The following NWD1 variants were observed in gnomAD, a reference collection of about 807,000 sequenced individuals.
NWD1 encodes the protein NACHT and WD repeat domain containing 1, also known as NACHT domain- and WD repeat-containing protein 1.
Under a neutral mutation model 135.1 loss-of-function variants are expected in NWD1, and 129 were observed. The ratio of observed to expected loss-of-function variants is 0.96; its 90% confidence interval spans 0.83 to 1.11. NWD1 has a LOEUF of 1.11. Ranked by LOEUF, NWD1 falls within the 50% of genes least tolerant of loss-of-function variation. The pLI, the probability that NWD1 is intolerant of heterozygous loss-of-function variation, is 0.00. For missense variants in NWD1, 1,740 were observed against 1,851.3 expected (o/e 0.94, Z 1.10); for synonymous variants, 773 against 786.0 (o/e 0.98, Z 0.28).
chr19:16,746,669 C>A, intron 5 of NWD1, among the ~76,000 whole-genome samples: 2 of 122,510 alleles, frequency 1.6e-5, no homozygotes, highest in African/African-American at 7.9e-5. Flanking sequence ...AAGACTCTGT[C>A]TAAAAACAAA....
Position 16,761,970 on chromosome 19 carries a change from T to A in NWD1, c.1974-9T>A, listed in dbSNP as rs1454965780. ...CCCAGGTCTATCAGTCTGTATACCC[T>A]CTCTGTAGACAGCTGGTCGAGGTGG... is the stretch of plus-strand genomic sequence containing the variant. On this transcript the variant is annotated splice_polypyrimidine_tract_variant and intron_variant, in intron 7 of 18. Transcript: ENST00000524140. The A allele has an allele frequency of 6.2e-7, 1 of 1,612,826 alleles. No homozygotes were observed. The highest frequency in any genetic ancestry group is 8.5e-7 in the Non-Finnish European group (1 of 1,179,130).
intron 17 of NWD1, chr19:16,801,586 C>T (rs1457921575): frequency 6.6e-6 from 1 of 151,686 alleles, no homozygotes; most frequent in Admixed American, 6.6e-5. Flanking sequence ...TGTAGTGGCT[C>T]ACATCTGTAG....
At chr19:16,772,987 G>A (rs1457308527) in intron 10 of NWD1, 139 bp from the exon 11 acceptor site, 2 of 705,652 alleles carry the variant, frequency 2.8e-6, no homozygotes, top group South Asian at 3.4e-5. Flanking sequence ...AAGGAGACAG[G>A]AGCGGACAGC....
At chr19:16,792,813 G>T (rs1970291808) in intron 14 of NWD1, among the ~76,000 whole-genome samples, 1 of 150,380 alleles carries the variant, frequency 6.6e-6, no homozygotes, top group East Asian at 2.0e-4. Flanking sequence ...GGAGGTGGAG[G>T]TTGCAGTGAG....
chr19:16,743,534 G>A (rs1054736969), intron 4 of NWD1, among the ~76,000 whole-genome samples: 23 of 151,780 alleles, frequency 1.5e-4, no homozygotes, highest in Non-Finnish European at 1.3e-4. Context: ...ATTGACCCTC[G>A]TGACTTCTGG....
rs891795708 is a variant in NWD1 at position 16,728,506 on chromosome 19, A to G, written c.-6-2686A>G. Among the ~76,000 whole-genome samples, 8 of 151,840 alleles carry G rather than the reference A, an allele frequency of 5.3e-5. No homozygotes were observed. The East Asian group carries it at 5.9e-4, about 11-fold the overall frequency. ...CACCATGCTGACCAGGCTGGTGTCA[A>G]ACTCCTGACCTCAGGTCATCTGCCC... On this transcript the variant is annotated intron_variant, in intron 2 of 18. Coordinates refer to ENST00000524140, the MANE Select transcript of NWD1 (RefSeq NM_001007525.5).
At chr19:16,753,502 A>G (rs1174217728) in intron 6 of NWD1, among the ~76,000 whole-genome samples, 1 of 152,132 alleles carries the variant, frequency 6.6e-6, no homozygotes, top group African/African-American at 2.4e-5. Flanking sequence ...TTGCTCTTGG[A>G]GCAGACCTGA....
At position 16,773,339 on chromosome 19, in the gene NWD1, A is replaced by G; in HGVS notation, c.2608+16A>G. On this transcript the variant is annotated intron_variant, in intron 11 of 18. Transcript: ENST00000524140. ...TGTCACAAAGGTGAGTCTCCCCAGC[A>G]TAGCAAAAATCCCAGCAGGCACCTG... The G allele has an allele frequency of 1.9e-6, 3 of 1,605,826 alleles. No homozygotes were observed. The highest frequency in any genetic ancestry group is 2.6e-6 in the Non-Finnish European group (3 of 1,176,204).
In NWD1 at chr19:16,749,170, G is replaced by A. The variant is rs751190666; in HGVS notation, c.528G>A (p.Leu176=). ...AGTGGGAGATAGAGCGGAGCCTGCT[G>A]AGCTCAGAGGACCGGGAACAGGGAG... The part of the protein sequence containing the change: ...VIEWEIERSL[L]SSEDREQGAT... Residue 176 remains leucine, a synonymous_variant, in exon 6 of 19, where the codon CTG becomes CTA. Transcript: ENST00000524140. 4.3e-6 allele frequency: 7 copies of A among 1,611,486 alleles called. No homozygotes were observed. Among genetic ancestry groups the A allele is most frequent in the African/African-American group, 1.3e-5 (1 of 74,824 alleles).
Position 16,785,259 on chromosome 19 carries a change from C to A in NWD1, c.2732-3723C>A, listed in dbSNP as rs187633757. On this transcript the variant is annotated intron_variant, in intron 12 of 18. Coordinates refer to ENST00000524140, the MANE Select transcript of NWD1 (RefSeq NM_001007525.5). ...AGGCGCGGTGGCTCACGCATGTAAT[C>A]CTAGCAGTTTGGGAGGTTGAGGCGG... 8.9e-3 allele frequency among the ~76,000 whole-genome samples: 1,357 copies of A among 152,208 alleles called. 26 individuals are homozygous for A. Among genetic ancestry groups the A allele is most frequent in the African/African-American group, 0.031 (1,305 of 41,546 alleles).
intron 10 of NWD1, among the ~76,000 whole-genome samples, chr19:16,772,108 A>G (rs545745353): frequency 6.6e-6 from 1 of 152,262 alleles, no homozygotes; most frequent in East Asian, 1.9e-4. Flanking sequence ...GCTCACGCCT[A>G]TAATTCCAGA....
intron 13 of NWD1, among the ~76,000 whole-genome samples, 163 bp from the exon 14 acceptor site, chr19:16,791,187 T>C (rs1970232302): frequency 6.6e-6 from 1 of 152,042 alleles, no homozygotes; most frequent in Non-Finnish European, 1.5e-5. Flanking sequence ...TGAGCCATGA[T>C]TGCACCACTG....
intron 7 of NWD1, among the ~76,000 whole-genome samples, chr19:16,760,645 C>T (rs1313280383): frequency 1.3e-5 from 2 of 152,058 alleles, no homozygotes; most frequent in South Asian, 2.1e-4. Flanking sequence ...GGCTAGAGTG[C>T]AGCGGCACAA....
At chr19:16,747,018 C>G (rs1165915708) in intron 5 of NWD1, among the ~76,000 whole-genome samples, 1 of 150,306 alleles carries the variant, frequency 6.7e-6, no homozygotes, top group East Asian at 1.9e-4. Context: ...TGTCTAGTTC[C>G]AAGATATTTT....
intron 15 of NWD1, 27 bp from the exon 16 acceptor site, chr19:16,797,705 G>A (rs767671893): frequency 8.1e-6 from 13 of 1,607,602 alleles, no homozygotes; most frequent in African/African-American, 2.7e-5. Flanking sequence ...GACATGAGAG[G>A]TGTAACCCCA....
Position 16,762,002 on chromosome 19 carries a change from AG to A in NWD1, c.1998del (p.Glu666AspfsTer41). The A allele has an allele frequency of 6.2e-7, 1 of 1,613,946 alleles. No individual in the cohort carries two copies. The highest frequency in any genetic ancestry group is 8.5e-7 in the Non-Finnish European group (1 of 1,179,950). On this transcript the variant is annotated frameshift_variant, in exon 8 of 19. Transcript: ENST00000524140. LOFTEE classifies it high-confidence loss of function. ...AGACAGCTGGTCGAGGTGGTCCGTG[AG>A]CGCTACCTGTCAGGATCCGAGAGAG... ...AHRQLVEVVR[E>X]RYLSGSERAK...
intron 3 of NWD1, among the ~76,000 whole-genome samples, chr19:16,732,560 C>A (rs964053688): frequency 1.0e-4 from 15 of 146,960 alleles, no homozygotes; most frequent in Non-Finnish European, 2.2e-4. Context: ...CAGTAGGAGC[C>A]CCTAATGCTG....
chr19:16,799,739 C>T, intron 16 of NWD1, 147 bp from the exon 17 acceptor site: 1 of 634,962 alleles, frequency 1.6e-6, no homozygotes, highest in South Asian at 2.3e-5. Context: ...AACTCCTGAC[C>T]TCAGGTGATC....
chr19:16,748,228 C>T (rs1160516824), intron 5 of NWD1, among the ~76,000 whole-genome samples: 7 of 152,114 alleles, frequency 4.6e-5, no homozygotes, highest in Non-Finnish European at 1.5e-5. Context: ...AGGTGATCTG[C>T]CCACCTTGGC....
Sources: gnomAD v4.1 joint callset for allele counts (sites outside exome capture counted in the v4.1 genomes callset) on GRCh38, gnomAD v4.1.1 for gene constraint, MANE v1.5 for transcripts, NCBI Gene and HGNC (gene_info 2026-07-23, HGNC 2026-07-21) for gene names.